The following EPHA3 variants were observed in gnomAD, a reference collection of about 807,000 sequenced individuals.
EPHA3 encodes ephrin type-A receptor 3.
EPHA3 carries 42 observed loss-of-function variants against 107.1 expected under a neutral mutation model. The ratio of observed to expected loss-of-function variants is 0.39; its 90% CI spans 0.31 to 0.51. EPHA3 has a LOEUF of 0.51. Among genes scored for constraint, EPHA3 ranks in the 20% least tolerant of loss-of-function variants. EPHA3 has a pLI of 0.78. For synonymous variants in EPHA3, 461 were observed against 424.8 expected (o/e 1.09, Z -1.05); for missense variants, 1,183 against 1,211.2 (o/e 0.98, Z 0.35).
chr3:89,122,970 G>A lies in EPHA3; in HGVS notation c.89-4239G>A, dbSNP rs560604058. Among the ~76,000 whole-genome samples, 32 of 152,252 alleles carry A rather than the reference G, an allele frequency of 2.1e-4. No individual in the cohort carries two copies. In the South Asian group the frequency reaches 3.7e-3, roughly 18 times the overall value. On this transcript the variant is annotated intron_variant, in intron 1 of 16. Coordinates refer to ENST00000336596, the MANE Select transcript of EPHA3 (RefSeq NM_005233.6). Reference sequence around the variant, plus strand: ...AGTCTCTCCATTGTGACAGAGGATAGGAAAGGAAGAGAGAGGATGACTCTG... The same window carrying A: ...AGTCTCTCCATTGTGACAGAGGATAAGAAAGGAAGAGAGAGGATGACTCTG...
At chr3:89,264,243 G>T (rs535908285) in intron 3 of EPHA3, among the ~76,000 whole-genome samples, 2 of 152,252 alleles carry the variant, frequency 1.3e-5, no homozygotes, top group African/African-American at 4.8e-5. Context: ...ACAATGCTGG[G>T]ATAAGTATAG....
At chr3:89,251,020 G>A (rs1424261018) in intron 3 of EPHA3, among the ~76,000 whole-genome samples, 1 of 152,030 alleles carries the variant, frequency 6.6e-6, no homozygotes, top group Admixed American at 6.6e-5. Flanking sequence ...CATTAGATAT[G>A]GAATTATTTC....
chr3:89,337,512 A>G (rs1707420958), intron 3 of EPHA3, among the ~76,000 whole-genome samples: 2 of 152,226 alleles, frequency 1.3e-5, no homozygotes, highest in African/African-American at 4.8e-5. Flanking sequence ...ACATCTACAA[A>G]AATTAAAATG....
intron 1 of EPHA3, among the ~76,000 whole-genome samples, chr3:89,120,119 ACTG>A (rs1478274759): frequency 6.6e-6 from 1 of 152,092 alleles, no homozygotes; most frequent in African/African-American, 2.4e-5. Context: ...TGTAGTTTAA[ACTG>A]CTATTTCCCT....
intron 13 of EPHA3, among the ~76,000 whole-genome samples, chr3:89,444,037 T>A (rs1054910196): frequency 5.3e-5 from 8 of 152,186 alleles, no homozygotes; most frequent in Admixed American, 1.3e-4. Flanking sequence ...TTTGCCAAGA[T>A]AATACCAAGA....
intron 1 of EPHA3, among the ~76,000 whole-genome samples, chr3:89,119,729 G>C (rs192638348): frequency 1.3e-5 from 2 of 152,234 alleles, no homozygotes; most frequent in East Asian, 3.9e-4. Context: ...TTATTCTACA[G>C]TGGGGTTCTT....
intron 15 of EPHA3, among the ~76,000 whole-genome samples, chr3:89,467,017 T>C (rs1229654453): frequency 6.6e-6 from 1 of 152,156 alleles, no homozygotes; most frequent in African/African-American, 2.4e-5. Flanking sequence ...GTGTCATTTA[T>C]GTACTAGGTT....
intron 3 of EPHA3, among the ~76,000 whole-genome samples, chr3:89,301,677 A>G (rs1392752182): frequency 1.3e-5 from 2 of 152,164 alleles, no homozygotes; most frequent in African/African-American, 2.4e-5. Context: ...AGAGTTAAGC[A>G]TACAATATCA....
intron 15 of EPHA3, among the ~76,000 whole-genome samples, chr3:89,454,386 C>T (rs1489828565): frequency 6.6e-6 from 1 of 152,158 alleles, no homozygotes; most frequent in Non-Finnish European, 1.5e-5. Context: ...ATTCACCTAA[C>T]CAGGAATTAG....
rs891042833 is a variant in EPHA3 at position 89,441,890 on chromosome 3, C to T, written c.2347-7335C>T. On this transcript the variant is annotated intron_variant, in intron 13 of 16. Transcript: ENST00000336596. ...GTGTGACTCAGTTAAAATTTATTGC[C>T]CCAGCTTCTTCTTTTAACCATATTT... Among the ~76,000 whole-genome samples, 49 of 152,010 alleles carry T rather than the reference C, an allele frequency of 3.2e-4. 1 individual carries two copies. Among genetic ancestry groups the T allele is most frequent in the Non-Finnish European group, 8.8e-5 (6 of 67,998 alleles).
At chr3:89,281,008 T>C (rs1705934392) in intron 3 of EPHA3, among the ~76,000 whole-genome samples, 1 of 149,536 alleles carries the variant, frequency 6.7e-6, no homozygotes, top group South Asian at 2.1e-4. Flanking sequence ...ATTTTTATTA[T>C]TTATTTATTT....
chr3:89,294,844 G>A (rs1359143260), intron 3 of EPHA3, among the ~76,000 whole-genome samples: 1 of 152,070 alleles, frequency 6.6e-6, no homozygotes, highest in African/African-American at 2.4e-5. Context: ...TTCCTTGCAT[G>A]CCATGTAATT....
chr3:89,340,357 A>G (rs9833400), intron 3 of EPHA3, among the ~76,000 whole-genome samples: 70,050 of 152,054 alleles, frequency 0.46, 16,406 homozygotes, highest in African/African-American at 0.51. Flanking sequence ...TGCCATAGGA[A>G]GTAAGGAAAA....
chr3:89,131,907 A>G (rs1412175886), intron 2 of EPHA3, among the ~76,000 whole-genome samples: 1 of 152,162 alleles, frequency 6.6e-6, no homozygotes, highest in African/African-American at 2.4e-5. Flanking sequence ...AGAAACATCG[A>G]TATTGTTCAA....
chr3:89,232,484 A>C (rs2107227717), intron 3 of EPHA3, among the ~76,000 whole-genome samples: 1 of 152,262 alleles, frequency 6.6e-6, no homozygotes, highest in South Asian at 2.1e-4. Context: ...AGAGTCTTCA[A>C]ATAATTTTTA....
At position 89,472,471 on chromosome 3, in the gene EPHA3, A is replaced by G. The variant is rs1427078839; in HGVS notation, c.2698A>G (p.Asn900Asp). 2.5e-6 allele frequency: 4 copies of G among 1,613,422 alleles called. No homozygotes were observed. Among genetic ancestry groups the G allele is most frequent in the South Asian group, 2.2e-5 (2 of 90,960 alleles). Residue 900 changes from asparagine to aspartate, a missense_variant, in exon 16 of 17, where the codon AAC becomes GAC. By Grantham distance (23) the Asn-to-Asp change is conservative. Transcript: ENST00000336596. The stretch of plus-strand genomic sequence containing the variant: ...GTGTTTTTTTTCTTGCAGGCCATCA[A>G]ACCTTCTTCTGGACCAAAGCAATGT... Reference protein sequence around the residue: ...IITSAAARPSNLLLDQSNVDI... With the variant: ...IITSAAARPSDLLLDQSNVDI...
At chr3:89,436,345 G>A (rs890985143) in intron 13 of EPHA3, among the ~76,000 whole-genome samples, 2 of 152,168 alleles carry the variant, frequency 1.3e-5, no homozygotes, top group African/African-American at 2.4e-5. Context: ...TTGGATAAGA[G>A]ATCCTGGTTA....
chr3:89,273,911 C>A (rs545336130), intron 3 of EPHA3, among the ~76,000 whole-genome samples: 63 of 151,892 alleles, frequency 4.1e-4, no homozygotes, highest in African/African-American at 1.5e-3. Flanking sequence ...TGCTTTCGGG[C>A]CATTTTATAC....
chr3:89,351,792 T>C (rs557866681), intron 5 of EPHA3, among the ~76,000 whole-genome samples: 1 of 151,388 alleles, frequency 6.6e-6, no homozygotes, highest in East Asian at 1.9e-4. Flanking sequence ...GTTTCACTCA[T>C]ATCCAAATGG....
Sources: allele counts gnomAD v4.1 joint callset (sites outside exome capture counted in the v4.1 genomes callset), GRCh38; gene constraint gnomAD v4.1.1; transcripts MANE v1.5; gene names NCBI Gene and HGNC (gene_info 2026-07-23, HGNC 2026-07-21).